Variants in UHRF1 observed in about 807,000 individuals in gnomAD.
The protein encoded by UHRF1 is ubiquitin like with PHD and ring finger domains 1, also known as E3 ubiquitin-protein ligase UHRF1.
UHRF1 carries 9 observed loss-of-function variants against 96.5 expected under a neutral mutation model. That is an observed-to-expected ratio of 0.09 (90% confidence interval 0.06 to 0.16). The LOEUF is 0.16. Ranked by LOEUF, UHRF1 falls within the 10% of genes least tolerant of loss-of-function variation. UHRF1 has a pLI of 1.00. For missense variants in UHRF1, 626 were observed against 1,131.1 expected (o/e 0.55, Z 6.40); for synonymous variants, 455 against 469.9 (o/e 0.97, Z 0.41).
At chr19:4,946,066 G>T in intron 10 of UHRF1, 101 bp downstream of exon 10, 1 of 899,038 alleles carries the variant, frequency 1.1e-6, no homozygotes, top group Non-Finnish European at 1.7e-6. Flanking sequence ...GTTTTTAAAT[G>T]CTTGGTTCCC....
At position 4,929,406 on chromosome 19, in the gene UHRF1, C is replaced by T. The variant is rs200977643; in HGVS notation, c.338C>T (p.Ala113Val). 1.7e-5 allele frequency: 27 copies of T among 1,613,580 alleles called. 1 individual carries two copies. Among genetic ancestry groups the T allele is most frequent in the African/African-American group, 1.2e-4 (9 of 75,046 alleles). The change falls in exon 3 of 17, where the codon GCG becomes GTG. Residue 113 changes from alanine (A) to valine (V), a missense_variant. By Grantham distance (64) the Ala-to-Val change is moderately conservative. This residue lies in a region of UHRF1 where 53 missense variants were observed against 95.9 expected (regional missense o/e 0.55). Coordinates refer to ENST00000650932, the MANE Select transcript of UHRF1 (RefSeq NM_001048201.3). The part of the protein sequence containing the change: ...ESDKSSTHGE[A>V]AAETDSRPAD... ...GACAAGTCCTCCACCCACGGTGAGG[C>T]GGCCGCCGAGACTGACAGCAGGCCA...
At chr19:4,931,988 A>G (rs17885673) in intron 4 of UHRF1, among the ~76,000 whole-genome samples, 33 of 152,180 alleles carry the variant, frequency 2.2e-4, no homozygotes, top group African/African-American at 7.7e-4. Flanking sequence ...GCTGGCGTCA[A>G]TGGCGCGATC....
intron 11 of UHRF1, among the ~76,000 whole-genome samples, chr19:4,947,916 A>AGT (rs1365566707): frequency 6.6e-6 from 1 of 151,532 alleles, no homozygotes; most frequent in African/African-American, 2.4e-5. Flanking sequence ...TGGGCAAGGT[A>AGT]GTGAGACAAC....
intron 1 of UHRF1, chr19:4,909,892 G>C (rs543689766): frequency 2.7e-5 from 10 of 375,200 alleles, no homozygotes; most frequent in Admixed American, 4.6e-5. Context: ...CGCGCCGGGT[G>C]GGGGAGGGCC....
At chr19:4,916,368 G>A (rs1304929355) in intron 2 of UHRF1, among the ~76,000 whole-genome samples, 2 of 151,632 alleles carry the variant, frequency 1.3e-5, no homozygotes, top group Admixed American at 6.6e-5. Context: ...AGACAAGCGC[G>A]CCCCCTCTTT....
intron 16 of UHRF1, 125 bp from the exon 17 acceptor site, chr19:4,960,532 G>C: frequency 7.3e-7 from 1 of 1,368,970 alleles, no homozygotes; most frequent in Non-Finnish European, 1.0e-6. Context: ...CAGGTGGAAA[G>C]TGAGACTGAA....
intron 10 of UHRF1, among the ~76,000 whole-genome samples, chr19:4,946,482 G>A (rs751285811): frequency 2.0e-5 from 3 of 152,248 alleles, no homozygotes; most frequent in African/African-American, 4.8e-5. Flanking sequence ...CTACGAACAC[G>A]GCTGTACAAG....
rs111718038 is a variant in UHRF1, at chr19:4,957,909, G to A, written c.2235+1096G>A. Among the ~76,000 whole-genome samples, 16 of 152,314 alleles carry A rather than the reference G, an allele frequency of 1.1e-4. 2 individuals are homozygous for A. The highest frequency in any genetic ancestry group is 3.4e-4 in the African/African-American group (14 of 41,588). ...ACCTCTGGCCAGAGCCGGCAGTCCC[G>A]GTGGACAGGTGTGGAAGGGACTGAC... On this transcript the variant is annotated intron_variant, in intron 16 of 16. Coordinates refer to ENST00000650932, the MANE Select transcript of UHRF1 (RefSeq NM_001048201.3).
chr19:4,925,112 C>T (rs1405529092), intron 2 of UHRF1, among the ~76,000 whole-genome samples: 1 of 152,166 alleles, frequency 6.6e-6, no homozygotes, highest in Non-Finnish European at 1.5e-5. Flanking sequence ...CGGGCGTGAG[C>T]CACTGTGCCT....
Position 4,930,635 on chromosome 19 carries a change from C to T in UHRF1, c.409-81C>T, listed in dbSNP as rs17881117. The T allele has an allele frequency of 0.022, 32,797 of 1,503,008 alleles. 435 individuals carry two copies. Among genetic ancestry groups the T allele is most frequent in the Middle Eastern group, 0.035 (202 of 5,844 alleles). 93.1% of individuals were successfully genotyped at this position (1,503,008 alleles called of 1,614,324 possible). A position where few individuals can be genotyped will look rare whatever the true frequency, so the allele number is the denominator to read the frequency against. ...AGTTTGCGCCCTGGTTCCAGAGCATCCCAGTGTCCGAGAACCAAGGTGGTC... is the reference window on the plus strand; with the variant it reads ...AGTTTGCGCCCTGGTTCCAGAGCATTCCAGTGTCCGAGAACCAAGGTGGTC... On this transcript the variant is annotated intron_variant, in intron 3 of 16. Coordinates refer to ENST00000650932, the MANE Select transcript of UHRF1 (RefSeq NM_001048201.3). The surrounding 1 kb of genome is among the most constrained non-coding windows in gnomAD (Gnocchi z 4.4).
intron 11 of UHRF1, among the ~76,000 whole-genome samples, chr19:4,950,199 G>A (rs2145200811): frequency 6.6e-6 from 1 of 151,866 alleles, no homozygotes; most frequent in South Asian, 2.1e-4. Flanking sequence ...AGTAGGCTGG[G>A]TGTGGCCTAT....
At chr19:4,926,911 A>C (rs2146322303) in intron 2 of UHRF1, among the ~76,000 whole-genome samples, 1 of 152,166 alleles carries the variant, frequency 6.6e-6, no homozygotes, top group South Asian at 2.1e-4. Flanking sequence ...AAAAATACAA[A>C]AATTAGCCGG....
In UHRF1 at chr19:4,954,833, A is replaced by G. The variant is rs1450581873; in HGVS notation, c.2130+11A>G. The G allele has an allele frequency of 1.1e-5, 18 of 1,612,250 alleles. No individual in the cohort carries two copies. Among genetic ancestry groups the G allele is most frequent in the Non-Finnish European group, 1.5e-5 (18 of 1,179,158 alleles). On this transcript the variant is annotated intron_variant, in intron 15 of 16. Coordinates refer to ENST00000650932, the MANE Select transcript of UHRF1 (RefSeq NM_001048201.3). The surrounding 1 kb of genome is among the most constrained non-coding windows in gnomAD (Gnocchi z 5.9). The stretch of plus-strand genomic sequence containing the variant: ...GCGAGCGGCAGCCCGGTAGGCTCGC[A>G]CGGCTCACTCGTCGCCCTGATTTGC...
intron 2 of UHRF1, among the ~76,000 whole-genome samples, chr19:4,913,801 C>T (rs897938102): frequency 1.4e-5 from 2 of 145,370 alleles, no homozygotes; most frequent in African/African-American, 5.2e-5. Flanking sequence ...GTTTCCCATG[C>T]AGTAGCTTTT....
At chr19:4,938,708 A>C (rs1047706135) in intron 5 of UHRF1, among the ~76,000 whole-genome samples, 4 of 116,182 alleles carry the variant, frequency 3.4e-5, no homozygotes, top group Non-Finnish European at 7.1e-5. Flanking sequence ...TGCACCTGGC[A>C]TAAGAGTTTT....
At chr19:4,939,737 C>T (rs1009231811) in intron 5 of UHRF1, among the ~76,000 whole-genome samples, 1 of 152,096 alleles carries the variant, frequency 6.6e-6, no homozygotes, top group Non-Finnish European at 1.5e-5. Flanking sequence ...GTAAAATACA[C>T]ATGGGTGCCA....
chr19:4,918,811 C>T (rs2146303598), intron 2 of UHRF1, among the ~76,000 whole-genome samples: 1 of 148,180 alleles, frequency 6.7e-6, no homozygotes, highest in Admixed American at 6.9e-5. Flanking sequence ...GCCTCGAATT[C>T]CTGAGCTCAA....
At chr19:4,924,040 C>A (rs1382893416) in intron 2 of UHRF1, among the ~76,000 whole-genome samples, 2 of 152,242 alleles carry the variant, frequency 1.3e-5, no homozygotes, top group Non-Finnish European at 2.9e-5. Flanking sequence ...GATCCTGGCT[C>A]ACTGCAACCT....
At chr19:4,959,975 C>T (rs1464993656) in intron 16 of UHRF1, among the ~76,000 whole-genome samples, 1 of 152,262 alleles carries the variant, frequency 6.6e-6, no homozygotes, top group Non-Finnish European at 1.5e-5. Context: ...ATTCTCTTGC[C>T]TTAGCCTCCC....
Sources: allele counts gnomAD v4.1 joint callset (sites outside exome capture counted in the v4.1 genomes callset), GRCh38; gene constraint gnomAD v4.1.1; regional missense constraint gnomAD v4.1.1; non-coding constraint Gnocchi (gnomAD v3.1); transcripts MANE v1.5; gene names NCBI Gene and HGNC (gene_info 2026-07-23, HGNC 2026-07-21).